Variants in TRAF3IP2 observed in about 807,000 individuals in gnomAD.
TRAF3IP2 encodes the protein TRAF3 interacting protein 2, also known as E3 ubiquitin ligase TRAF3IP2.
A neutral mutation model predicts 57.9 loss-of-function variants in TRAF3IP2; 35 were observed. The observed-to-expected ratio is 0.60, with a 90% CI of 0.46 to 0.80. TRAF3IP2 has a LOEUF of 0.80. Ranked by LOEUF, TRAF3IP2 falls within the 30% of genes least tolerant of loss-of-function variation. The pLI, the probability that TRAF3IP2 is intolerant of heterozygous loss-of-function variation, is 0.00. For synonymous variants in TRAF3IP2, 251 were observed against 268.9 expected, an observed-to-expected ratio of 0.93 and a Z score of 0.65; for missense variants, 556 against 706.4, an observed-to-expected ratio of 0.79 and a Z score of 2.41.
At chr6:111,601,050 G>A (rs1796844742) in intron 1 of TRAF3IP2, 2 of 554,302 alleles carry the variant, frequency 3.6e-6, no homozygotes, top group Admixed American at 5.3e-5. Context: ...AATATAAGCG[G>A]TTTGGCACCA....
chr6:111,584,102 A>C (rs988478018), intron 2 of TRAF3IP2, among the ~76,000 whole-genome samples: 1 of 152,208 alleles, frequency 6.6e-6, no homozygotes, highest in Non-Finnish European at 1.5e-5. Flanking sequence ...CATAGGGTTT[A>C]TTTCTTTTCC....
chr6:111,598,688 T>TAGGAAAG (rs1796771043), intron 1 of TRAF3IP2, among the ~76,000 whole-genome samples: 1 of 152,092 alleles, frequency 6.6e-6, no homozygotes, highest in African/African-American at 2.4e-5. Flanking sequence ...AGGAATGGGG[T>TAGGAAAG]AGGAAAGAGG....
In TRAF3IP2 at chr6:111,559,440, C is replaced by G; in HGVS notation, c.1663G>C (p.Gly555Arg). 6.2e-7 allele frequency: 1 copy of G among 1,614,044 alleles called. No individual in the cohort carries two copies. The highest frequency in any genetic ancestry group is 8.5e-7 in the Non-Finnish European group (1 of 1,180,028). The change falls in exon 9 of 9, where the codon GGG (glycine) becomes CGG (arginine). Residue 555 changes from glycine (G) to arginine (R), a missense_variant. By Grantham distance (125) the Gly-to-Arg change is moderately radical (BLOSUM62 -2). Transcript: ENST00000368761. ...REEEYVAPPR[G>R]PLPTLQVVPL Reference sequence around the variant, plus strand: ...ACCACCTGAAGGGTGGGCAGAGGCCCCCGTGGAGGAGCCACATACTCTTCC... The same window carrying G: ...ACCACCTGAAGGGTGGGCAGAGGCCGCCGTGGAGGAGCCACATACTCTTCC...
chr6:111,560,186 T>C (rs150269803), intron 8 of TRAF3IP2, among the ~76,000 whole-genome samples: 191 of 152,192 alleles, frequency 1.3e-3, no homozygotes, highest in African/African-American at 4.4e-3. Context: ...GGGTGAAAGA[T>C]TTGCAGTTTT....
At position 111,567,891 on chromosome 6, in the gene TRAF3IP2, GTAGT is replaced by G. The variant is rs1382913480; in HGVS notation, c.1291-203_1291-200del. ...TATTTCAACATTAGTAGGCATTTAA[GTAGT>G]TAATGTTATGTCCATAATTAGGATA... is the stretch of plus-strand genomic sequence containing the variant. On this transcript the variant is annotated intron_variant, in intron 5 of 8. Transcript: ENST00000368761. 3.9e-5 allele frequency among the ~76,000 whole-genome samples: 6 copies of G among 152,194 alleles called. No individual in the cohort carries two copies. The East Asian group carries it at 7.7e-4, about 20-fold the overall frequency.
chr6:111,579,350 G>A (rs1288334371), intron 3 of TRAF3IP2, among the ~76,000 whole-genome samples: 5 of 143,364 alleles, frequency 3.5e-5, no homozygotes, highest in Non-Finnish European at 6.1e-5. Flanking sequence ...AGATTGAAGA[G>A]TTAGACAACT....
chr6:111,588,051 A>C (rs929549822), intron 2 of TRAF3IP2, among the ~76,000 whole-genome samples: 8 of 152,210 alleles, frequency 5.3e-5, no homozygotes, highest in African/African-American at 1.9e-4. Context: ...CACTCCTATC[A>C]AGAGTGATTG....
intron 8 of TRAF3IP2, among the ~76,000 whole-genome samples, chr6:111,561,728 T>C (rs1795450644): frequency 6.6e-6 from 1 of 152,074 alleles, no homozygotes; most frequent in African/African-American, 2.4e-5. Flanking sequence ...GTGGATATGA[T>C]CTTGTAGTCA....
At chr6:111,571,547 G>A (rs2128373691) in intron 5 of TRAF3IP2, among the ~76,000 whole-genome samples, 1 of 152,290 alleles carries the variant, frequency 6.6e-6, no homozygotes, top group African/African-American at 2.4e-5. Flanking sequence ...ATGAGAAAGG[G>A]AAATATTAGT....
intron 7 of TRAF3IP2, among the ~76,000 whole-genome samples, chr6:111,563,391 G>C (rs116282981): frequency 0.011 from 1,689 of 152,246 alleles, 35 homozygotes; most frequent in African/African-American, 0.038. Context: ...ATTGGCGATG[G>C]TATTGGAGAG....
chr6:111,559,629 C>G, intron 8 of TRAF3IP2, 78 bp from the exon 9 acceptor site: 2 of 1,531,018 alleles, frequency 1.3e-6, no homozygotes, highest in Non-Finnish European at 1.8e-6. Context: ...AGTTCCCAAA[C>G]ATTTCTGGCT....
At chr6:111,595,595 C>T (rs1470661218) in intron 1 of TRAF3IP2, among the ~76,000 whole-genome samples, 5 of 152,142 alleles carry the variant, frequency 3.3e-5, no homozygotes, top group East Asian at 1.9e-4. Context: ...TTTGGGAGGC[C>T]AAGGCGGGCA....
intron 5 of TRAF3IP2, chr6:111,572,620 G>A (rs780743508): frequency 9.6e-5 from 31 of 322,146 alleles, no homozygotes; most frequent in Non-Finnish European, 1.6e-4. Flanking sequence ...TCAGGCCAGG[G>A]GCCGCTGCAT....
intron 4 of TRAF3IP2, chr6:111,573,715 A>T (rs1795898976): frequency 6.6e-6 from 1 of 152,238 alleles, no homozygotes; most frequent in Admixed American, 6.5e-5. Context: ...GTCAGGATGA[A>T]CCAGTGTTTT....
rs910982011 is a variant in TRAF3IP2 at position 111,559,361 on chromosome 6, G to A, written c.*44C>T. 5 of 1,597,028 alleles carry A rather than the reference G, an allele frequency of 3.1e-6. No homozygotes were observed. Among genetic ancestry groups the A allele is most frequent in the Non-Finnish European group, 4.3e-6 (5 of 1,172,310 alleles). On this transcript the variant is annotated 3_prime_UTR_variant, in exon 9 of 9. Coordinates refer to ENST00000368761, the MANE Select transcript of TRAF3IP2 (RefSeq NM_147686.4). The stretch of plus-strand genomic sequence containing the variant: ...TCAGCCAGAATGCTGTCAGAACAAG[G>A]CCCCAAACATGGCCTGGCCTCAGTG...
chr6:111,572,258 G>A (rs903071311), intron 5 of TRAF3IP2, among the ~76,000 whole-genome samples: 5 of 152,182 alleles, frequency 3.3e-5, no homozygotes, highest in African/African-American at 1.2e-4. Context: ...CAGGGGCAGT[G>A]TGTGTTTCCT....
At chr6:111,579,586 G>A (rs1442692808) in intron 3 of TRAF3IP2, among the ~76,000 whole-genome samples, 1 of 152,068 alleles carries the variant, frequency 6.6e-6, no homozygotes, top group African/African-American at 2.4e-5. Context: ...ACAAAAGTTA[G>A]CTGGGCATGG....
rs955073901 is a variant in TRAF3IP2 at position 111,555,392 on chromosome 6, A to T, written c.*4013T>A. ...TCCGAGAAAAATTCTGTCTTTAAAG[A>T]GGTGATTTATTTAACAGGAAACAAA... is the stretch of plus-strand genomic sequence containing the variant. On this transcript the variant is annotated 3_prime_UTR_variant, in exon 9 of 9. Transcript: ENST00000368761. 7.9e-5 allele frequency among the ~76,000 whole-genome samples: 12 copies of T among 152,162 alleles called. No homozygotes were observed. Among genetic ancestry groups the T allele is most frequent in the Non-Finnish European group, 1.3e-4 (9 of 68,028 alleles).
intron 4 of TRAF3IP2, 132 bp from the exon 5 acceptor site, chr6:111,573,115 G>A (rs12214246): frequency 1.4e-6 from 1 of 700,772 alleles, no homozygotes; most frequent in Non-Finnish European, 2.4e-6. Context: ...GGTGCTCTAA[G>A]AGCTTATGCC....
Sources: gnomAD v4.1 joint callset for allele counts (sites outside exome capture counted in the v4.1 genomes callset) on GRCh38, gnomAD v4.1.1 for gene constraint, MANE v1.5 for transcripts, NCBI Gene and HGNC (gene_info 2026-07-23, HGNC 2026-07-21) for gene names.